Variants in PIK3R3 observed in about 807,000 individuals in gnomAD.
PIK3R3 encodes the protein phosphatidylinositol 3-kinase regulatory subunit gamma.
PIK3R3 carries 64 observed loss-of-function variants against 62.9 expected under a neutral mutation model. The ratio of observed to expected loss-of-function variants is 1.02; its 90% CI spans 0.83 to 1.25. PIK3R3 has a LOEUF of 1.25. Among genes scored for constraint, PIK3R3 ranks in the 50% most tolerant of loss-of-function variants. The pLI, the probability that PIK3R3 is intolerant of heterozygous loss-of-function variation, is 0.00. For missense variants in PIK3R3, 614 were observed against 561.6 expected (o/e 1.09, Z -0.94); for synonymous variants, 165 against 189.0 (o/e 0.87, Z 1.04).
chr1:46,066,859 G>A, intron 4 of PIK3R3, 52 bp downstream of exon 4: 1 of 1,311,568 alleles, frequency 7.6e-7, no homozygotes, highest in Non-Finnish European at 1.1e-6. Context: ...ATCAAATAAG[G>A]CTGTTAAATA....
At chr1:46,098,118 A>G (rs965857635) in intron 1 of PIK3R3, among the ~76,000 whole-genome samples, 1 of 152,206 alleles carries the variant, frequency 6.6e-6, no homozygotes, top group African/African-American at 2.4e-5. Flanking sequence ...TCCAAAAATG[A>G]AATGTAAAAA....
intron 1 of PIK3R3, among the ~76,000 whole-genome samples, chr1:46,114,048 TG>T (rs1340484497): frequency 6.6e-6 from 1 of 152,252 alleles, no homozygotes; most frequent in East Asian, 1.9e-4. Flanking sequence ...ACAGGGATTA[TG>T]TAATCTTCAT....
At chr1:46,108,964 C>G (rs1653465492) in intron 1 of PIK3R3, among the ~76,000 whole-genome samples, 1 of 152,152 alleles carries the variant, frequency 6.6e-6, no homozygotes, top group Admixed American at 6.5e-5. Flanking sequence ...TCGAGACTAT[C>G]CTGGCTAACA....
chr1:46,083,297 C>A (rs1218382897), intron 1 of PIK3R3, among the ~76,000 whole-genome samples: 1 of 151,950 alleles, frequency 6.6e-6, no homozygotes, highest in East Asian at 1.9e-4. Flanking sequence ...CTATAAAATT[C>A]TTACAAGAAA....
At chr1:46,164,955 C>G in the PIK3R3 span, among the ~76,000 whole-genome samples, 2 of 152,110 alleles carry the variant, frequency 1.3e-5, no homozygotes, top group African/African-American at 4.8e-5. Flanking sequence ...CTGCCTGAGC[C>G]TCCCAAGTAG....
At chr1:46,100,341 T>G (rs1652539692) in intron 1 of PIK3R3, among the ~76,000 whole-genome samples, 1 of 152,174 alleles carries the variant, frequency 6.6e-6, no homozygotes, top group Non-Finnish European at 1.5e-5. Flanking sequence ...CTCATTTTAT[T>G]TTCCATATAA....
chr1:46,110,870 GT>G (rs35534130), intron 1 of PIK3R3, among the ~76,000 whole-genome samples: 99 of 146,966 alleles, frequency 6.7e-4, no homozygotes, highest in Admixed American at 3.9e-3. Context: ...GAAAAAGTTG[GT>G]TTTTTTTTTT....
chr1:46,150,384 T>C, the PIK3R3 span, among the ~76,000 whole-genome samples: 1 of 152,286 alleles, frequency 6.6e-6, no homozygotes, highest in South Asian at 2.1e-4. Context: ...CCCTTCACTA[T>C]CACTAAATGG....
chr1:46,158,358 C>G, the PIK3R3 span, among the ~76,000 whole-genome samples: 2 of 152,222 alleles, frequency 1.3e-5, no homozygotes, highest in African/African-American at 2.4e-5. Flanking sequence ...TCCCCCACCC[C>G]ACTTGTGACT....
At position 46,040,653 on chromosome 1, in the gene PIK3R3, A is replaced by G. The variant is rs963948735; in HGVS notation, c.*3020T>C. ...AAATAGCAGCAGAGACCACCTTAGA[A>G]AACAGGAATTGCCCAGGTGCAATTC... On this transcript the variant is annotated 3_prime_UTR_variant, in exon 10 of 10. Coordinates refer to ENST00000262741, the MANE Select transcript of PIK3R3 (RefSeq NM_003629.4). The G allele has an allele frequency of 4.6e-6, 1 of 215,822 alleles. No individual in the cohort carries two copies. Among genetic ancestry groups the G allele is most frequent in the East Asian group, 6.8e-5 (1 of 14,654 alleles). The allele number at this position is 215,822 out of a possible 1,614,324, so 13.4% of individuals were successfully genotyped here.
In PIK3R3 at chr1:46,049,949, G is replaced by A. The variant is rs549825002; in HGVS notation, c.942-3324C>T. Among the ~76,000 whole-genome samples the A allele has an allele frequency of 2.5e-4, 38 of 150,156 alleles. No individual in the cohort carries two copies. The East Asian group carries it at 4.8e-3, about 19-fold the overall frequency. On this transcript the variant is annotated intron_variant, in intron 7 of 9. Coordinates refer to ENST00000262741, the MANE Select transcript of PIK3R3 (RefSeq NM_003629.4). ...AGGCTGGCTAACATGGTGAAACCCCGTTCCTACTAAAAATACAAAAAATTA... is the reference window on the plus strand; with the variant it reads ...AGGCTGGCTAACATGGTGAAACCCCATTCCTACTAAAAATACAAAAAATTA...
upstream of PIK3R3, among the ~76,000 whole-genome samples, chr1:46,137,929 A>G (rs1655987041): frequency 6.6e-6 from 1 of 152,230 alleles, no homozygotes; most frequent in Non-Finnish European, 1.5e-5. Flanking sequence ...AAGAAAACCA[A>G]AAACTTGTAC....
At chr1:46,117,745 C>CAAAA (rs1553155529) in intron 1 of PIK3R3, among the ~76,000 whole-genome samples, 8 of 142,064 alleles carry the variant, frequency 5.6e-5, no homozygotes, top group East Asian at 2.2e-4. Context: ...AAACCTGTCT[C>CAAAA]GAAAGAAAGA....
At chr1:46,068,375 T>C (rs1649196147) in intron 3 of PIK3R3, among the ~76,000 whole-genome samples, 1 of 152,206 alleles carries the variant, frequency 6.6e-6, no homozygotes. Flanking sequence ...CCAGACACAG[T>C]CCATGCTCTC....
chr1:46,169,685 G>A, the PIK3R3 span, among the ~76,000 whole-genome samples: 4 of 152,142 alleles, frequency 2.6e-5, no homozygotes, highest in Admixed American at 2.0e-4. Context: ...AGAGGTCAGG[G>A]CTGAGGTATT....
At chr1:46,112,894 G>C (rs897374432) in intron 1 of PIK3R3, among the ~76,000 whole-genome samples, 5 of 151,974 alleles carry the variant, frequency 3.3e-5, no homozygotes, top group Non-Finnish European at 7.4e-5. Flanking sequence ...TCCTCAACTT[G>C]CTTCTCTTGG....
the PIK3R3 span, among the ~76,000 whole-genome samples, chr1:46,156,302 A>G: frequency 3.3e-5 from 5 of 152,152 alleles, no homozygotes; most frequent in South Asian, 2.1e-4. Context: ...TCTACTAAAA[A>G]TACAAAAATT....
upstream of PIK3R3, among the ~76,000 whole-genome samples, chr1:46,136,273 T>G (rs556559406): frequency 6.6e-6 from 1 of 152,238 alleles, no homozygotes; most frequent in South Asian, 2.1e-4. Flanking sequence ...AAATTATCAG[T>G]TGCAGATTTT....
At chr1:46,066,766 G>A in intron 4 of PIK3R3, 145 bp downstream of exon 4, 2 of 712,918 alleles carry the variant, frequency 2.8e-6, no homozygotes, top group Non-Finnish European at 4.8e-6. Flanking sequence ...AATCCAGCCT[G>A]GGCAACAGAG....
Sources: allele counts gnomAD v4.1 joint callset (sites outside exome capture counted in the v4.1 genomes callset), GRCh38; gene constraint gnomAD v4.1.1; transcripts MANE v1.5; gene names NCBI Gene and HGNC (gene_info 2026-07-23, HGNC 2026-07-21).